Variants in TRAPPC10 observed in about 807,000 individuals in gnomAD.
TRAPPC10 encodes the protein TRAPP 130 kDa subunit.
In TRAPPC10, 23 loss-of-function variants were observed where a neutral mutation model predicts 125.5. That is an observed-to-expected ratio of 0.18 (90% confidence interval 0.13 to 0.26). The LOEUF is 0.26. Ranked by LOEUF, TRAPPC10 falls within the 10% of genes least tolerant of loss-of-function variation. The pLI is 1.00. For missense variants in TRAPPC10, 1,123 were observed against 1,308.4 expected (o/e 0.86, Z 2.19); for synonymous variants, 509 against 518.0 (o/e 0.98, Z 0.24).
chr21:44,092,333 A>G (rs2038643140), intron 19 of TRAPPC10, among the ~76,000 whole-genome samples: 1 of 152,126 alleles, frequency 6.6e-6, no homozygotes, highest in African/African-American at 2.4e-5. Context: ...GTTTGAACGC[A>G]CTGTTGATTG....
chr21:44,026,148 C>T (rs1185921367), intron 1 of TRAPPC10, among the ~76,000 whole-genome samples: 1 of 151,992 alleles, frequency 6.6e-6, no homozygotes, highest in East Asian at 1.9e-4. Flanking sequence ...TTGCTTTCTA[C>T]CTAGAGAATC....
Position 44,082,683 on chromosome 21 carries a change from T to C in TRAPPC10, c.1724-105T>C, listed in dbSNP as rs1323007511. The C allele has an allele frequency of 1.1e-5, 14 of 1,305,830 alleles. No individual in the cohort carries two copies. Among genetic ancestry groups the C allele is most frequent in the Non-Finnish European group, 1.5e-5 (14 of 930,478 alleles). The allele number at this position is 1,305,830 out of a possible 1,614,324, so 80.9% of individuals were successfully genotyped here. ...CAGCTGCTGTGCCCATCACTGCTGC[T>C]TGCTTCAGTCTGCTCTCGGTGATCT... is the stretch of plus-strand genomic sequence containing the variant. On this transcript the variant is annotated intron_variant, in intron 13 of 22. Coordinates refer to ENST00000291574, the MANE Select transcript of TRAPPC10 (RefSeq NM_003274.5). The surrounding 1 kb of genome is among the most constrained non-coding windows in gnomAD (Gnocchi z 4.4).
rs1269718783 is a variant in TRAPPC10 at position 44,074,598 on chromosome 21, C to T, written c.1185+128C>T. 11 of 1,260,760 alleles carry T rather than the reference C, an allele frequency of 8.7e-6. No homozygotes were observed. In the South Asian group the frequency reaches 1.3e-4, roughly 15 times the overall value. The allele number at this position is 1,260,760 out of a possible 1,614,324, so 78.1% of individuals were successfully genotyped here. On this transcript the variant is annotated intron_variant, in intron 8 of 22. Coordinates refer to ENST00000291574, the MANE Select transcript of TRAPPC10 (RefSeq NM_003274.5). ...TCACGATGCATCCACTTTAGTGGCC[C>T]TAGAAGGTGTCTGGGTGCAGCCAAA...
At chr21:44,039,722 G>A (rs1180890617) in intron 3 of TRAPPC10, among the ~76,000 whole-genome samples, 1 of 152,172 alleles carries the variant, frequency 6.6e-6, no homozygotes, top group Non-Finnish European at 1.5e-5. Context: ...AAAATTAGCT[G>A]GGCGTGGTGG....
intron 1 of TRAPPC10, among the ~76,000 whole-genome samples, chr21:44,018,950 A>G (rs954158089): frequency 6.6e-6 from 1 of 152,194 alleles, no homozygotes; most frequent in African/African-American, 2.4e-5. Flanking sequence ...GTGGTCTCCA[A>G]AGGTATTGCA....
chr21:44,051,946 G>A (rs2035261158), intron 3 of TRAPPC10, among the ~76,000 whole-genome samples: 1 of 152,216 alleles, frequency 6.6e-6, no homozygotes. Flanking sequence ...GTGGGCCTGG[G>A]TTTTAAAGCC....
At chr21:44,043,394 A>G (rs934178792) in intron 3 of TRAPPC10, among the ~76,000 whole-genome samples, 2 of 151,720 alleles carry the variant, frequency 1.3e-5, no homozygotes, top group African/African-American at 4.8e-5. Flanking sequence ...TTGTATTATT[A>G]GTGGAGACGG....
chr21:44,018,007 G>T (rs2032066161), intron 1 of TRAPPC10, among the ~76,000 whole-genome samples: 1 of 151,994 alleles, frequency 6.6e-6, no homozygotes, highest in South Asian at 2.1e-4. Context: ...CCAACTCCAG[G>T]GTGGATTTGA....
rs568949427 is a variant in TRAPPC10 at position 44,046,105 on chromosome 21, G to C, written c.286-6175G>C. On this transcript the variant is annotated intron_variant, in intron 3 of 22. Transcript: ENST00000291574. ...CAGTATTTAAAAAACAGTCAACTCA[G>C]TCAAAACCCACTGCTTCAGAATCAA... Among the ~76,000 whole-genome samples the C allele has an allele frequency of 4.1e-3, 623 of 152,218 alleles. 10 individuals carry two copies. The highest frequency in any genetic ancestry group is 2.7e-3 in the Admixed American group (41 of 15,288).
In TRAPPC10 at chr21:44,062,142, G is replaced by T. The variant is rs142870371; in HGVS notation, c.791-1396G>T. 1.2e-3 allele frequency among the ~76,000 whole-genome samples: 186 copies of T among 152,292 alleles called. 3 individuals carry two copies. In the East Asian group the frequency reaches 0.017, roughly 14 times the overall value. On this transcript the variant is annotated intron_variant, in intron 6 of 22. Coordinates refer to ENST00000291574, the MANE Select transcript of TRAPPC10 (RefSeq NM_003274.5). ...TCTTATATTTGACATAATTTATTTGGTTTTTTCTCTCAGTTTTAAAATTTG... is the reference window on the plus strand; with the variant it reads ...TCTTATATTTGACATAATTTATTTGTTTTTTTCTCTCAGTTTTAAAATTTG...
chr21:44,040,220 A>G (rs539937398), intron 3 of TRAPPC10, among the ~76,000 whole-genome samples: 2 of 152,314 alleles, frequency 1.3e-5, no homozygotes, highest in East Asian at 1.9e-4. Context: ...ATAAGTTCCC[A>G]TATGCAGAAC....
At chr21:44,041,647 C>T (rs749608289) in intron 3 of TRAPPC10, among the ~76,000 whole-genome samples, 43 of 152,270 alleles carry the variant, frequency 2.8e-4, no homozygotes, top group Non-Finnish European at 5.7e-4. Context: ...TTTGGGATTA[C>T]AGGCGTGAGC....
chr21:44,016,263 GT>G (rs1477208343), intron 1 of TRAPPC10, among the ~76,000 whole-genome samples: 1 of 152,182 alleles, frequency 6.6e-6, no homozygotes, highest in Non-Finnish European at 1.5e-5. Flanking sequence ...TCAGTTTTCT[GT>G]TTTGAAATAG....
chr21:44,073,963 TTCTAGG>T (rs1183352332), intron 7 of TRAPPC10, among the ~76,000 whole-genome samples: 1 of 148,792 alleles, frequency 6.7e-6, no homozygotes, highest in East Asian at 2.0e-4. Flanking sequence ...TTTGGTCTTT[TTCTAGG>T]TTTTTCCTTT....
intron 2 of TRAPPC10, among the ~76,000 whole-genome samples, chr21:44,036,472 C>T (rs1242595904): frequency 6.6e-6 from 1 of 152,182 alleles, no homozygotes; most frequent in African/African-American, 2.4e-5. Flanking sequence ...GGAGTTCTGC[C>T]CCATCACTTC....
intron 2 of TRAPPC10, 126 bp from the exon 3 acceptor site, chr21:44,037,666 T>A (rs1036008536): frequency 9.4e-7 from 1 of 1,062,418 alleles, no homozygotes; most frequent in Non-Finnish European, 1.4e-6. Flanking sequence ...AGCGTAGTTA[T>A]GATTTGGGGT....
intron 1 of TRAPPC10, among the ~76,000 whole-genome samples, chr21:44,025,369 A>G (rs2032943650): frequency 6.6e-6 from 1 of 152,260 alleles, no homozygotes; most frequent in Non-Finnish European, 1.5e-5. Context: ...TGCCAGGAAC[A>G]GGAGTGTCTC....
At chr21:44,090,261 C>A (rs748401469) in intron 18 of TRAPPC10, among the ~76,000 whole-genome samples, 20 of 152,062 alleles carry the variant, frequency 1.3e-4, no homozygotes, top group Non-Finnish European at 2.8e-4. Context: ...GGCCAGGTTT[C>A]CTCTGGACGC....
chr21:44,095,226 T>C (rs1200406785), intron 20 of TRAPPC10, among the ~76,000 whole-genome samples: 1 of 150,026 alleles, frequency 6.7e-6, no homozygotes, highest in Non-Finnish European at 1.5e-5. Context: ...TATTTTTATT[T>C]TATTTTATTT....
Sources: gnomAD v4.1 joint callset for allele counts (sites outside exome capture counted in the v4.1 genomes callset) on GRCh38, gnomAD v4.1.1 for gene constraint, Gnocchi (gnomAD v3.1) non-coding constraint, MANE v1.5 for transcripts, NCBI Gene and HGNC (gene_info 2026-07-23, HGNC 2026-07-21) for gene names.